Variants in CHEK2 observed in about 807,000 individuals in gnomAD.
CHEK2 encodes the protein checkpoint kinase 2.
Under a neutral mutation model 69.1 loss-of-function variants are expected in CHEK2, and 71 were observed. The observed-to-expected ratio is 1.03, with a 90% CI of 0.85 to 1.25. The LOEUF is 1.25. CHEK2 is among the 50% of genes most tolerant of loss of function. The pLI, the probability that CHEK2 is intolerant of heterozygous loss-of-function variation, is 0.00. For synonymous variants in CHEK2, 189 were observed against 226.9 expected (o/e 0.83, Z 1.50); for missense variants, 664 against 649.6 (o/e 1.02, Z -0.24).
intron 5 of CHEK2, among the ~76,000 whole-genome samples, chr22:28,717,460 G>A (rs965022425): frequency 2.6e-5 from 4 of 152,130 alleles, no homozygotes; most frequent in Non-Finnish European, 5.9e-5. Flanking sequence ...TTGGCAAAAT[G>A]CAGTGGTTCA....
chr22:28,740,609 T>C (rs1388898553), intron 1 of CHEK2, among the ~76,000 whole-genome samples: 1 of 152,244 alleles, frequency 6.6e-6, no homozygotes, highest in Non-Finnish European at 1.5e-5. Context: ...ACTTGTGGAA[T>C]GGCTTGAGCC....
At chr22:28,739,534 T>C (rs938448771) in intron 1 of CHEK2, among the ~76,000 whole-genome samples, 1 of 150,074 alleles carries the variant, frequency 6.7e-6, no homozygotes, top group Non-Finnish European at 1.5e-5. Context: ...ACTAAAAATA[T>C]GAAAATTAGC....
At chr22:28,692,893 A>G (rs2052419509) in intron 13 of CHEK2, among the ~76,000 whole-genome samples, 1 of 152,042 alleles carries the variant, frequency 6.6e-6, no homozygotes, top group Non-Finnish European at 1.5e-5. Context: ...TCATAAGAGG[A>G]TCTTCGCCCT....
chr22:28,713,774 G>A (rs1001873130), intron 5 of CHEK2, among the ~76,000 whole-genome samples: 1 of 151,880 alleles, frequency 6.6e-6, no homozygotes, highest in African/African-American at 2.4e-5. Flanking sequence ...TCTGCCTCCT[G>A]GCTTCAAGCA....
In CHEK2 at chr22:28,699,893, C is replaced by G. The variant is rs143611747; in HGVS notation, c.953G>C (p.Arg318Pro). The G allele has an allele frequency of 1.2e-6, 2 of 1,614,054 alleles. No homozygotes were observed. Among genetic ancestry groups the G allele is most frequent in the Non-Finnish European group, 1.7e-6 (2 of 1,179,994 alleles). ...ELFDKVVGNK[R>P]LKEATCKLYF... is the part of the protein sequence containing the mutation. ...GAGCTTGCAGGTAGCTTCTTTCAGG[C>G]GTTTATTCCCCACCACTTTGTCAAA... The change falls in exon 9 of 15, where the codon CGC becomes CCC. Residue 318 changes from arginine to proline, a missense_variant. Arg to Pro is a moderately radical substitution (Grantham distance 103, BLOSUM62 -2). Transcript: ENST00000404276.
At position 28,712,586 on chromosome 22, in the gene CHEK2, C is replaced by T. The variant is rs1266443848; in HGVS notation, c.684-569G>A. Among the ~76,000 whole-genome samples the T allele has an allele frequency of 2.0e-5, 3 of 152,292 alleles. No individual in the cohort carries two copies. The South Asian group carries it at 6.2e-4, about 32-fold the overall frequency. ...TTCAGCAACCTCTCACAGAGATTTGCAGTTAAATGGGATACTACTCATGGA... is the reference window on the plus strand; with the variant it reads ...TTCAGCAACCTCTCACAGAGATTTGTAGTTAAATGGGATACTACTCATGGA... On this transcript the variant is annotated intron_variant, in intron 5 of 14. Coordinates refer to ENST00000404276, the MANE Select transcript of CHEK2 (RefSeq NM_007194.4).
intron 13 of CHEK2, among the ~76,000 whole-genome samples, chr22:28,691,868 G>T (rs965721139): frequency 6.6e-6 from 1 of 152,170 alleles, no homozygotes; most frequent in Admixed American, 6.5e-5. Flanking sequence ...CCAACACTCA[G>T]TTCAGCGACA....
At chr22:28,737,478 T>C (rs546900729) in intron 1 of CHEK2, among the ~76,000 whole-genome samples, 3 of 151,142 alleles carry the variant, frequency 2.0e-5, no homozygotes, top group Admixed American at 6.6e-5. Context: ...TTATTTCTTT[T>C]TTTTTTTTTT....
chr22:28,703,904 C>G (rs2053000166), intron 7 of CHEK2, among the ~76,000 whole-genome samples: 1 of 152,064 alleles, frequency 6.6e-6, no homozygotes, highest in Admixed American at 6.6e-5. Context: ...CCTAAGGAAC[C>G]CTGAGGGAGA....
chr22:28,695,379 G>A lies in CHEK2; in HGVS notation c.1260-137C>T, dbSNP rs949005966. 9 of 691,072 alleles carry A rather than the reference G, an allele frequency of 1.3e-5. No homozygotes were observed. In the African/African-American group the frequency reaches 1.4e-4, roughly 11 times the overall value. 42.8% of individuals were successfully genotyped at this position (691,072 alleles called of 1,614,324 possible). ...CAATGGTCAAAAAGTGAGCTAGGCT[G>A]GGCACAATGCCTTAGGCTTGTAATC... On this transcript the variant is annotated intron_variant, in intron 11 of 14. Coordinates refer to ENST00000404276, the MANE Select transcript of CHEK2 (RefSeq NM_007194.4).
chr22:28,691,841 G>T (rs3859888), intron 13 of CHEK2, among the ~76,000 whole-genome samples: 1 of 152,002 alleles, frequency 6.6e-6, no homozygotes, highest in Non-Finnish European at 1.5e-5. Flanking sequence ...ACAAAACAGA[G>T]ACCAGAATCC....
Position 28,694,040 on chromosome 22 carries a change from A to T in CHEK2, c.1453T>A (p.Trp485Arg), listed in dbSNP as rs786202244. ...CACTGTCCCACACCCACCTGAAGCCACGGGTGTCTTAAGGCTTCTTCTGTC... is the reference window on the plus strand; with the variant it reads ...CACTGTCCCACACCCACCTGAAGCCTCGGGTGTCTTAAGGCTTCTTCTGTC... ...FTTEEALRHPWLQDEDMKRKF... is the reference protein window; with the variant it reads ...FTTEEALRHPRLQDEDMKRKF... The change falls in exon 13 of 15, where the codon TGG (tryptophan) becomes AGG (arginine). Residue 485 changes from tryptophan to arginine, a missense_variant. By Grantham distance (101) the Trp-to-Arg change is moderately radical. Coordinates refer to ENST00000404276, the MANE Select transcript of CHEK2 (RefSeq NM_007194.4). The T allele has an allele frequency of 6.3e-7, 1 of 1,594,170 alleles. No homozygotes were observed. The highest frequency in any genetic ancestry group is 8.5e-7 in the Non-Finnish European group (1 of 1,177,782).
At chr22:28,727,110 C>T (rs781287783) in intron 2 of CHEK2, among the ~76,000 whole-genome samples, 2 of 152,052 alleles carry the variant, frequency 1.3e-5, no homozygotes, top group East Asian at 1.9e-4. Context: ...GGCGCGATCT[C>T]GGCTCACTGC....
intron 8 of CHEK2, among the ~76,000 whole-genome samples, chr22:28,700,313 G>A (rs2052789424): frequency 1.3e-5 from 2 of 149,920 alleles, no homozygotes; most frequent in African/African-American, 4.9e-5. Context: ...CCAGGTTCAA[G>A]TGATTCTCAT....
intron 4 of CHEK2, chr22:28,721,578 C>T (rs1327174883): frequency 3.7e-5 from 17 of 456,488 alleles, no homozygotes; most frequent in East Asian, 7.0e-5. Flanking sequence ...TGAGCCACCG[C>T]GCCCCGCCGT....
chr22:28,696,617 C>T (rs894645657), intron 10 of CHEK2, among the ~76,000 whole-genome samples: 1 of 152,154 alleles, frequency 6.6e-6, no homozygotes, highest in Non-Finnish European at 1.5e-5. Flanking sequence ...CCTCGGCCTC[C>T]CAAAGTGCTG....
In CHEK2 at chr22:28,719,427, T is replaced by C. The variant is rs774245273; in HGVS notation, c.651A>G (p.Arg217=). 5.3e-5 allele frequency: 84 copies of C among 1,595,808 alleles called. No individual in the cohort carries two copies. Among genetic ancestry groups the C allele is most frequent in the Non-Finnish European group, 6.2e-5 (73 of 1,170,400 alleles). ...GAGTTTTTGACATGATGTATTCATC[T>C]CTTAATGCCTTAGGATAAACTGACT... ...DDQSVYPKAL[R]DEYIMSKTLG... The change falls in exon 5 of 15, where the codon AGA becomes AGG. Residue 217 remains arginine (R), a synonymous_variant. Transcript: ENST00000404276.
intron 7 of CHEK2, among the ~76,000 whole-genome samples, chr22:28,704,301 AT>A (rs1220248768): frequency 6.7e-6 from 1 of 150,268 alleles, no homozygotes; most frequent in African/African-American, 2.4e-5. Context: ...TTTTTTTTTA[AT>A]TTTTCTTTCT....
rs2053411553 is a variant in CHEK2 at position 28,711,960 on chromosome 22, G to T, written c.741C>A (p.Ala247=). 1 of 1,613,758 alleles carries T rather than the reference G, an allele frequency of 6.2e-7. No individual in the cohort carries two copies. The highest frequency in any genetic ancestry group is 8.5e-7 in the Non-Finnish European group (1 of 1,179,938). Residue 247 remains alanine, a synonymous_variant, in exon 6 of 15, where the codon GCC becomes GCA. Coordinates refer to ENST00000404276, the MANE Select transcript of CHEK2 (RefSeq NM_007194.4). ...ACTTCCTTTTGCTGATGATCTTTAT[G>T]GCTACTTTCTTACATGTTTTCCTCT... is the stretch of plus-strand genomic sequence containing the variant. ...AFERKTCKKV[A]IKIISKRKFA...
Sources: allele counts gnomAD v4.1 joint callset (sites outside exome capture counted in the v4.1 genomes callset), GRCh38; gene constraint gnomAD v4.1.1; transcripts MANE v1.5; gene names NCBI Gene and HGNC (gene_info 2026-07-23, HGNC 2026-07-21).